Variants in TREM1 observed in about 807,000 individuals in gnomAD.
TREM1 encodes the protein triggering receptor expressed on monocytes 1.
A neutral mutation model predicts 22.4 loss-of-function variants in TREM1; 16 were observed. The ratio of observed to expected loss-of-function variants is 0.71; its 90% confidence interval spans 0.48 to 1.08. The LOEUF is 1.08. Ranked by LOEUF, TREM1 falls within the 50% of genes least tolerant of loss-of-function variation. TREM1 has a pLI of 0.00. For missense variants in TREM1, 283 were observed against 282.9 expected, an observed-to-expected ratio of 1.00 and a Z score of 0.00; for synonymous variants, 110 against 111.6, an observed-to-expected ratio of 0.99 and a Z score of 0.09.
intron 1 of TREM1, among the ~76,000 whole-genome samples, chr6:41,285,240 T>G (rs1243169100): frequency 2.5e-4 from 38 of 152,254 alleles, no homozygotes; most frequent in Admixed American, 2.5e-3. Flanking sequence ...GAGCTGTCTG[T>G]GCACAATTGC....
In TREM1 at chr6:41,274,310, A is replaced by G. The variant is rs539902347; in HGVS notation, c.*1815T>C. Among the ~76,000 whole-genome samples, 1 of 152,278 alleles carries G rather than the reference A, an allele frequency of 6.6e-6. No individual in the cohort carries two copies. Among genetic ancestry groups the G allele is most frequent in the African/African-American group, 2.4e-5 (1 of 41,560 alleles). ...CCTGGACTCATAAAGCATTTGCTTT[A>G]TGCTCCAGGAGAATCTGATGCGGTG... On this transcript the variant is annotated 3_prime_UTR_variant, in exon 4 of 4. Transcript: ENST00000244709.
At chr6:41,277,079 A>AC (rs1304080574) in intron 3 of TREM1, among the ~76,000 whole-genome samples, 1 of 152,072 alleles carries the variant, frequency 6.6e-6, no homozygotes, top group Non-Finnish European at 1.5e-5. Context: ...AAATAAAAAA[A>AC]AAACAATCCA....
downstream of TREM1, among the ~76,000 whole-genome samples, chr6:41,273,350 T>C (rs1767542548): frequency 6.6e-6 from 1 of 152,138 alleles, no homozygotes; most frequent in Non-Finnish European, 1.5e-5. Flanking sequence ...CCTTGCTGTT[T>C]TAGATAGCCA....
intron 3 of TREM1, among the ~76,000 whole-genome samples, chr6:41,278,871 G>C (rs777352153): frequency 2.0e-5 from 3 of 152,098 alleles, no homozygotes; most frequent in South Asian, 2.1e-4. Flanking sequence ...GAATCATGGA[G>C]CAACACCAAG....
chr6:41,272,231 G>T (rs541669573), downstream of TREM1, among the ~76,000 whole-genome samples: 28 of 152,190 alleles, frequency 1.8e-4, 2 homozygotes, highest in South Asian at 5.6e-3. Flanking sequence ...GTCCTGATGG[G>T]AACACTCAGT....
downstream of TREM1, among the ~76,000 whole-genome samples, chr6:41,271,498 T>A (rs1767478795): frequency 6.6e-6 from 1 of 152,214 alleles, no homozygotes; most frequent in African/African-American, 2.4e-5. Context: ...GAAGTTTTGT[T>A]TTCATGTTAC....
At chr6:41,270,446 A>ATATATATATATATATAT (rs1325572554), downstream of TREM1, among the ~76,000 whole-genome samples, 1 of 144,008 alleles carries the variant, frequency 6.9e-6, no homozygotes, top group African/African-American at 2.8e-5. Context: ...GATATTATAT[A>ATATATATATATATATAT]ATATATATAT....
intron 3 of TREM1, among the ~76,000 whole-genome samples, chr6:41,277,441 A>G (rs1271808320): frequency 2.0e-5 from 3 of 152,256 alleles, no homozygotes; most frequent in East Asian, 1.9e-4. Context: ...TGGCGCACTC[A>G]GCATCCTCAG....
downstream of TREM1, among the ~76,000 whole-genome samples, chr6:41,273,485 C>T (rs147355623): frequency 6.6e-6 from 1 of 152,230 alleles, no homozygotes. Flanking sequence ...ATCAGACACC[C>T]TGCAAGGATG....
At chr6:41,280,301 GTTC>G in intron 3 of TREM1, 1 of 984,160 alleles carries the variant, frequency 1.0e-6, no homozygotes, top group South Asian at 4.7e-5. Flanking sequence ...TAAGTTAGTG[GTTC>G]TTAAGTTTGC....
At chr6:41,285,184 C>T (rs1458385177) in intron 1 of TREM1, among the ~76,000 whole-genome samples, 1 of 152,178 alleles carries the variant, frequency 6.6e-6, no homozygotes, top group Non-Finnish European at 1.5e-5. Context: ...TGCAAACTTG[C>T]CTGTCTCTCA....
chr6:41,268,855 A>G (rs1332260256), downstream of TREM1, among the ~76,000 whole-genome samples: 11 of 152,172 alleles, frequency 7.2e-5, no homozygotes, highest in African/African-American at 2.7e-4. Flanking sequence ...GACCAATTGC[A>G]TCATTGATTT....
intron 3 of TREM1, among the ~76,000 whole-genome samples, chr6:41,278,496 C>A (rs1406532712): frequency 6.6e-6 from 1 of 151,344 alleles, no homozygotes; most frequent in Admixed American, 6.6e-5. Flanking sequence ...ACAGGGAGAC[C>A]CCCATCTCTA....
intron 3 of TREM1, chr6:41,280,343 T>C (rs1027732261): frequency 1.3e-5 from 13 of 985,970 alleles, no homozygotes; most frequent in Non-Finnish European, 1.3e-5. Context: ...CTAAACATCT[T>C]ATTAAAAATA....
At chr6:41,283,581 G>T (rs541358293) in intron 1 of TREM1, among the ~76,000 whole-genome samples, 1 of 152,246 alleles carries the variant, frequency 6.6e-6, no homozygotes, top group South Asian at 2.1e-4. Context: ...GCATGGTGGT[G>T]CACACCTGTA....
At chr6:41,286,310 C>G (rs1008720275) in intron 1 of TREM1, among the ~76,000 whole-genome samples, 8 of 151,356 alleles carry the variant, frequency 5.3e-5, no homozygotes, top group African/African-American at 1.9e-4. Flanking sequence ...ATCAAATAAA[C>G]TTATTGTAGA....
rs945253836 is a variant in TREM1 at position 41,274,080 on chromosome 6, G to A, written c.*2045C>T. On this transcript the variant is annotated 3_prime_UTR_variant, in exon 4 of 4. Transcript: ENST00000244709. ...TTAGTGCATATAATATTTCAGTCAC[G>A]TTTAATATGTTGGACTTAAATAACA... Among the ~76,000 whole-genome samples, 16 of 152,318 alleles carry A rather than the reference G, an allele frequency of 1.1e-4. No homozygotes were observed. Among genetic ancestry groups the A allele is most frequent in the African/African-American group, 3.1e-4 (13 of 41,568 alleles).
At chr6:41,280,611 T>A in intron 3 of TREM1, 1 of 1,304,086 alleles carries the variant, frequency 7.7e-7, no homozygotes, top group South Asian at 1.9e-5. Flanking sequence ...AGGCCAACAC[T>A]AGATCCAGGG....
At chr6:41,271,642 G>A (rs185671176), downstream of TREM1, among the ~76,000 whole-genome samples, 22 of 152,272 alleles carry the variant, frequency 1.4e-4, no homozygotes, top group African/African-American at 4.3e-4. Flanking sequence ...AGTGCTGGGG[G>A]ATTGCTCTGC....
Sources: allele counts gnomAD v4.1 joint callset (sites outside exome capture counted in the v4.1 genomes callset), GRCh38; gene constraint gnomAD v4.1.1; transcripts MANE v1.5; gene names NCBI Gene and HGNC (gene_info 2026-07-23, HGNC 2026-07-21).